Variants in RAB7B observed in about 807,000 individuals in gnomAD.
The protein encoded by RAB7B is ras-related protein Rab-7b.
At chr1:205,994,512 G>C (rs1457950575) in intron 1 of RAB7B, 1 of 160,286 alleles carries the variant, frequency 6.2e-6, no homozygotes, top group Admixed American at 6.5e-5. Context: ...GGGGCATGCA[G>C]GAAGAAGAGA....
chr1:205,987,634 A>G (rs1660634590), intron 4 of RAB7B, among the ~76,000 whole-genome samples: 1 of 152,266 alleles, frequency 6.6e-6, no homozygotes, highest in African/African-American at 2.4e-5. Flanking sequence ...CTACGGAATC[A>G]CTGGCAAATC....
At chr1:205,979,909 A>G (rs1660457399) in intron 5 of RAB7B, among the ~76,000 whole-genome samples, 1 of 152,008 alleles carries the variant, frequency 6.6e-6, no homozygotes, top group East Asian at 1.9e-4. Context: ...CTCTGATTTT[A>G]TCTCCCCGGC....
At chr1:205,986,251 C>A (rs1660602070) in intron 4 of RAB7B, among the ~76,000 whole-genome samples, 2 of 152,218 alleles carry the variant, frequency 1.3e-5, no homozygotes, top group Non-Finnish European at 2.9e-5. Context: ...GTCCTAGGAA[C>A]AATTAATAAG....
rs1317621795 is a variant in RAB7B, at chr1:205,985,544, G to A, written c.518C>T (p.Ser173Leu). Residue 173 changes from serine (S) to leucine (L), a missense_variant, in exon 5 of 6, where the codon TCG becomes TTG. Transcript: ENST00000617070. ...AFEMLASRAL[S>L]RYQSILENHL... ...CCTGCCGCCACAGCCACTCACCCTC[G>A]ACAGAGCCCTACTGGCCAGCATCTC... is the stretch of plus-strand genomic sequence containing the variant. The A allele has an allele frequency of 1.0e-5, 4 of 398,652 alleles. No homozygotes were observed. The highest frequency in any genetic ancestry group is 2.1e-5 in the African/African-American group (1 of 48,582). 24.7% of individuals were successfully genotyped at this position (398,652 alleles called of 1,614,324 possible).
chr1:205,992,569 G>A lies in RAB7B; in HGVS notation c.307C>T (p.Arg103Trp), dbSNP rs955945331. 31 of 398,690 alleles carry A rather than the reference G, an allele frequency of 7.8e-5. No homozygotes were observed. The highest frequency in any genetic ancestry group is 2.3e-4 in the African/African-American group (11 of 48,752). The allele number at this position is 398,690 out of a possible 1,614,324, so 24.7% of individuals were successfully genotyped here. ...LESFEALDIW[R>W]GDVLAKIVPM... ...ACAATCTTGGCCAGGACATCACCCC[G>A]CCAGATATCCAGGGCTTCAAAAGAC... Residue 103 changes from arginine to tryptophan, a missense_variant, in exon 4 of 6, where the codon CGG becomes TGG. Arg to Trp is a moderately radical substitution (Grantham distance 101, BLOSUM62 -3). Transcript: ENST00000617070.
chr1:205,988,179 A>T (rs1025358488), intron 4 of RAB7B, among the ~76,000 whole-genome samples: 27 of 149,984 alleles, frequency 1.8e-4, no homozygotes, highest in Admixed American at 2.6e-4. Flanking sequence ...ATATGTGTGT[A>T]TATATATGTA....
chr1:205,981,045 C>T (rs2102630936), intron 5 of RAB7B, among the ~76,000 whole-genome samples: 1 of 152,176 alleles, frequency 6.6e-6, no homozygotes, highest in Non-Finnish European at 1.5e-5. Context: ...GGACTACAGG[C>T]ATGTGCCACC....
At position 205,994,124 on chromosome 1, in the gene RAB7B, C is replaced by G. The variant is rs1391182098; in HGVS notation, c.12G>C (p.Arg4=). Residue 4 remains arginine (R), a synonymous_variant, in exon 2 of 6, where the codon CGG becomes CGC. Coordinates refer to ENST00000617070, the MANE Select transcript of RAB7B (RefSeq NM_001164522.3). Reference sequence around the variant, plus strand: ...TAATGAGTTTCAGGTCCACCTTCTTCCGGGGATTCATGGAAGGGCTTCAGA... The same window carrying G: ...TAATGAGTTTCAGGTCCACCTTCTTGCGGGGATTCATGGAAGGGCTTCAGA... MNP[R]KKVDLKLIIV... The G allele has an allele frequency of 7.5e-6, 3 of 398,528 alleles. No homozygotes were observed. The highest frequency in any genetic ancestry group is 1.3e-5 in the Non-Finnish European group (3 of 226,100). The allele number at this position is 398,528 out of a possible 1,614,324, so 24.7% of individuals were successfully genotyped here.
chr1:206,001,060 A>C (rs1660882572), intron 1 of RAB7B, among the ~76,000 whole-genome samples: 1 of 152,128 alleles, frequency 6.6e-6, no homozygotes, highest in Admixed American at 6.5e-5. Context: ...CTATCCTAGA[A>C]GGGCAGGAGT....
At chr1:205,983,522 C>T (rs994413288) in intron 5 of RAB7B, among the ~76,000 whole-genome samples, 2 of 152,210 alleles carry the variant, frequency 1.3e-5, no homozygotes, top group Admixed American at 1.3e-4. Flanking sequence ...GCTGTGTCTC[C>T]AGCTCTAGCC....
chr1:205,999,281 GATA>G (rs1660854826), intron 1 of RAB7B, among the ~76,000 whole-genome samples: 1 of 152,202 alleles, frequency 6.6e-6, no homozygotes, highest in Admixed American at 6.5e-5. Context: ...CACTCATACA[GATA>G]ATAAAAGGCA....
chr1:205,994,881 G>A (rs1660783629), intron 1 of RAB7B, among the ~76,000 whole-genome samples: 2 of 152,148 alleles, frequency 1.3e-5, no homozygotes, highest in Non-Finnish European at 2.9e-5. Context: ...TCATTAAATG[G>A]AGTTTTTGAG....
chr1:205,983,669 G>A (rs971663123), intron 5 of RAB7B: 1 of 152,184 alleles, frequency 6.6e-6, no homozygotes, highest in Non-Finnish European at 1.5e-5. Flanking sequence ...AGGCCAGTCT[G>A]ATCACAGGTA....
At chr1:206,003,025 C>T (rs897271610) in intron 1 of RAB7B, among the ~76,000 whole-genome samples, 98 of 152,318 alleles carry the variant, frequency 6.4e-4, no homozygotes, top group African/African-American at 2.1e-3. Context: ...TGTGGGTCTC[C>T]GAGCTGGGCC....
chr1:205,985,412 T>G (rs1426944763), intron 5 of RAB7B, 128 bp downstream of exon 5: 2 of 396,536 alleles, frequency 5.0e-6, no homozygotes, highest in Non-Finnish European at 8.9e-6. Flanking sequence ...ACTAATTAAC[T>G]GAGACGATGA....
chr1:205,979,645 C>T (rs1660450452), intron 5 of RAB7B, among the ~76,000 whole-genome samples: 1 of 152,102 alleles, frequency 6.6e-6, no homozygotes, highest in African/African-American at 2.4e-5. Flanking sequence ...TCAAGGGATC[C>T]CATCTCTTCA....
chr1:205,984,635 T>G (rs1488817040), intron 5 of RAB7B, among the ~76,000 whole-genome samples: 4 of 152,144 alleles, frequency 2.6e-5, no homozygotes, highest in Non-Finnish European at 4.4e-5. Context: ...CCAGGCAGCC[T>G]TCCATGGTCT....
intron 4 of RAB7B, among the ~76,000 whole-genome samples, chr1:205,990,185 A>G (rs1660695984): frequency 2.0e-5 from 3 of 152,212 alleles, no homozygotes; most frequent in Non-Finnish European, 1.5e-5. Flanking sequence ...ACTCTCTTGG[A>G]TGACTCTAAA....
chr1:205,996,220 C>T (rs1266533974), intron 1 of RAB7B, among the ~76,000 whole-genome samples: 2 of 148,696 alleles, frequency 1.3e-5, no homozygotes, highest in Non-Finnish European at 3.0e-5. Flanking sequence ...AGGATACATG[C>T]TTAACTGGCC....
Sources: gnomAD v4.1 joint callset for allele counts (sites outside exome capture counted in the v4.1 genomes callset) on GRCh38, gnomAD v4.1.1 for gene constraint, MANE v1.5 for transcripts, NCBI Gene and HGNC (gene_info 2026-07-23, HGNC 2026-07-21) for gene names.